CIMIP6: variants seen among roughly 807,000 people sequenced by gnomAD.
CIMIP6 encodes the protein uncharacterized protein C2orf73.
chr2:54,349,158 TTA>T, the CIMIP6 span, among the ~76,000 whole-genome samples: 1 of 152,340 alleles, frequency 6.6e-6, no homozygotes, highest in East Asian at 1.9e-4. Context: ...AAAATAGGTT[TTA>T]GTTTGTGTTG....
At chr2:54,345,447 T>C in the CIMIP6 span, among the ~76,000 whole-genome samples, 2 of 152,184 alleles carry the variant, frequency 1.3e-5, no homozygotes, top group Admixed American at 1.3e-4. Flanking sequence ...AGGGAGGATA[T>C]CTTTTACGTA....
At chr2:54,353,318 G>C in the CIMIP6 span, among the ~76,000 whole-genome samples, 1 of 152,164 alleles carries the variant, frequency 6.6e-6, no homozygotes, top group African/African-American at 2.4e-5. Flanking sequence ...GGTGAGGCAA[G>C]GGCAGGGTGG....
the CIMIP6 span, among the ~76,000 whole-genome samples, chr2:54,341,488 G>T: frequency 6.6e-6 from 1 of 152,272 alleles, no homozygotes; most frequent in South Asian, 2.1e-4. Context: ...CCAGTCTAAG[G>T]TATTCTGTTG....
At chr2:54,331,087 T>G in the CIMIP6 span, 2 of 1,369,396 alleles carry the variant, frequency 1.5e-6, no homozygotes, top group South Asian at 2.5e-5. Context: ...GCATGGACAG[T>G]CCAGGCCAAG....
chr2:54,360,207 A>C, the CIMIP6 span: 1 of 1,564,312 alleles, frequency 6.4e-7, no homozygotes, highest in Non-Finnish European at 8.6e-7. Flanking sequence ...TTCCAGAGAC[A>C]CGGAGCTTTT....
chr2:54,362,181 GGA>G, the CIMIP6 span, among the ~76,000 whole-genome samples: 1 of 152,190 alleles, frequency 6.6e-6, no homozygotes, highest in Middle Eastern at 3.4e-3. Context: ...AACCCTCCCT[GGA>G]GAGAGTTTCA....
chr2:54,359,210 C>T, the CIMIP6 span: 2 of 627,892 alleles, frequency 3.2e-6, no homozygotes, highest in Non-Finnish European at 5.5e-6. Flanking sequence ...GAATGTTAGC[C>T]ACATACCATA....
the CIMIP6 span, among the ~76,000 whole-genome samples, chr2:54,332,248 C>T: frequency 2.6e-5 from 4 of 152,196 alleles, no homozygotes; most frequent in South Asian, 6.2e-4. Flanking sequence ...TGCAAACCTA[C>T]CTCCTACATA....
the CIMIP6 span, among the ~76,000 whole-genome samples, chr2:54,333,964 T>C: frequency 1.3e-5 from 2 of 152,178 alleles, no homozygotes; most frequent in Non-Finnish European, 2.9e-5. Flanking sequence ...GCAGGTGTTA[T>C]ACTTTAAGGG....
At chr2:54,370,280 GAGAA>G in the CIMIP6 span, among the ~76,000 whole-genome samples, 7 of 151,910 alleles carry the variant, frequency 4.6e-5, no homozygotes, top group African/African-American at 1.7e-4. Flanking sequence ...AAAAAGACAA[GAGAA>G]AGAAAGAAAG....
chr2:54,357,203 A>G, the CIMIP6 span, among the ~76,000 whole-genome samples: 1 of 152,216 alleles, frequency 6.6e-6, no homozygotes, highest in Non-Finnish European at 1.5e-5. Flanking sequence ...AAAGATTGCC[A>G]TTTTGTAACA....
At chr2:54,382,040 A>G in the CIMIP6 span, 30 of 1,451,802 alleles carry the variant, frequency 2.1e-5, no homozygotes, top group South Asian at 2.8e-4. Flanking sequence ...CAGAGAAGTT[A>G]GGTAGCTCAC....
At chr2:54,337,430 G>C in the CIMIP6 span, among the ~76,000 whole-genome samples, 1 of 152,162 alleles carries the variant, frequency 6.6e-6, no homozygotes, top group Non-Finnish European at 1.5e-5. Context: ...TGTTAGACCA[G>C]ACCTACACTG....
At chr2:54,358,845 C>G in the CIMIP6 span, 308 of 526,264 alleles carry the variant, frequency 5.9e-4, no homozygotes, top group Non-Finnish European at 9.4e-4. Flanking sequence ...TGTAAATAAT[C>G]TTGCATACTT....
the CIMIP6 span, among the ~76,000 whole-genome samples, chr2:54,367,436 ATTGGT>A: frequency 6.6e-6 from 1 of 152,076 alleles, no homozygotes; most frequent in Admixed American, 6.5e-5. Flanking sequence ...TCTGGAAACT[ATTGGT>A]TTGATCTATT....
At chr2:54,360,932 T>C in the CIMIP6 span, 6 of 163,118 alleles carry the variant, frequency 3.7e-5, no homozygotes, top group Non-Finnish European at 4.0e-5. Flanking sequence ...CCTTGAGCTG[T>C]GTGACCTTGG....
At chr2:54,336,583 A>G in the CIMIP6 span, among the ~76,000 whole-genome samples, 1 of 152,186 alleles carries the variant, frequency 6.6e-6, no homozygotes, top group Non-Finnish European at 1.5e-5. Context: ...GACACTAGAG[A>G]TACAGCAGTG....
chr2:54,343,416 A>C, the CIMIP6 span, among the ~76,000 whole-genome samples: 19 of 152,168 alleles, frequency 1.2e-4, no homozygotes, highest in African/African-American at 3.4e-4. Context: ...TATATAATAA[A>C]ATCATAGTAT....
the CIMIP6 span, chr2:54,334,965 G>T: frequency 3.1e-6 from 5 of 1,604,598 alleles, no homozygotes; most frequent in South Asian, 2.3e-5. Context: ...TAACACAAAT[G>T]CAAGAACATA....
Sources: gnomAD v4.1 joint callset for allele counts (sites outside exome capture counted in the v4.1 genomes callset) on GRCh38, gnomAD v4.1.1 for gene constraint, MANE v1.5 for transcripts, NCBI Gene and HGNC (gene_info 2026-07-23, HGNC 2026-07-21) for gene names.